Variants in TAF4B observed in about 807,000 individuals in gnomAD.
The protein encoded by TAF4B is TATA-box binding protein associated factor 4b, also known as transcription initiation factor TFIID subunit 4B.
In TAF4B, 38 loss-of-function variants were observed where a neutral mutation model predicts 86.4. That is an observed-to-expected ratio of 0.44 (90% CI 0.34 to 0.58). The LOEUF (loss-of-function observed/expected upper bound fraction) is 0.58. Ranked by LOEUF, TAF4B falls within the 20% of genes least tolerant of loss-of-function variation. The pLI is 0.02. For missense variants in TAF4B, 988 were observed against 1,027.6 expected (o/e 0.96, Z 0.53); for synonymous variants, 388 against 391.2 (o/e 0.99, Z 0.10).
chr18:26,323,416 A>G (rs994267547), intron 11 of TAF4B, among the ~76,000 whole-genome samples: 2 of 151,954 alleles, frequency 1.3e-5, no homozygotes, highest in Non-Finnish European at 2.9e-5. Flanking sequence ...ATCATAGCTC[A>G]TTGCAACCTT....
chr18:26,292,877 G>C (rs1460866193), intron 8 of TAF4B, among the ~76,000 whole-genome samples: 1 of 152,116 alleles, frequency 6.6e-6, no homozygotes. Flanking sequence ...GTTATATGTT[G>C]TTTTGGAATA....
At chr18:26,374,339 A>C (rs1252203748) in intron 14 of TAF4B, among the ~76,000 whole-genome samples, 1 of 151,996 alleles carries the variant, frequency 6.6e-6, no homozygotes, top group African/African-American at 2.4e-5. Flanking sequence ...TTTTTGAAAC[A>C]CTCCGTCTGC....
chr18:26,345,087 G>T (rs1205152658), intron 13 of TAF4B, among the ~76,000 whole-genome samples: 1 of 152,132 alleles, frequency 6.6e-6, no homozygotes, highest in Non-Finnish European at 1.5e-5. Context: ...CAGCTGCATT[G>T]CCCTGGATTA....
chr18:26,290,521 G>GC (rs1206436916), intron 7 of TAF4B, among the ~76,000 whole-genome samples: 1 of 152,178 alleles, frequency 6.6e-6, no homozygotes, highest in Non-Finnish European at 1.5e-5. Context: ...CAGTTGCTGA[G>GC]CAGATGATGT....
intron 9 of TAF4B, among the ~76,000 whole-genome samples, chr18:26,306,366 A>G (rs899646815): frequency 1.3e-5 from 2 of 152,172 alleles, no homozygotes; most frequent in Non-Finnish European, 2.9e-5. Flanking sequence ...GCCAACCAAC[A>G]TAAAGTAGCT....
intron 1 of TAF4B, among the ~76,000 whole-genome samples, chr18:26,264,880 G>C (rs2056216742): frequency 6.6e-6 from 1 of 152,134 alleles, no homozygotes; most frequent in East Asian, 1.9e-4. Flanking sequence ...GTCTTATGCT[G>C]TTAACTACAC....
At chr18:26,285,030 C>T (rs1430267130) in intron 6 of TAF4B, among the ~76,000 whole-genome samples, 1 of 148,598 alleles carries the variant, frequency 6.7e-6, no homozygotes, top group East Asian at 2.0e-4. Context: ...TGTAGTGGTG[C>T]GATCACAGCT....
Position 26,236,329 on chromosome 18 carries a change from T to C in TAF4B, c.343+9053T>C, listed in dbSNP as rs138390567. ...GATGGTAATGGACCTTGAGGACGGC[T>C]GTCTGGGGCAGGAGATTAACACTGA... On this transcript the variant is annotated intron_variant, in intron 1 of 14. Coordinates refer to ENST00000269142, the MANE Select transcript of TAF4B (RefSeq NM_005640.3). Among the ~76,000 whole-genome samples the C allele has an allele frequency of 4.9e-4, 75 of 152,292 alleles. 1 individual carries two copies. The East Asian group carries it at 0.013, about 27-fold the overall frequency.
intron 6 of TAF4B, among the ~76,000 whole-genome samples, chr18:26,282,552 A>G (rs1791769): frequency 0.94 from 143,133 of 152,282 alleles, 67,470 homozygotes; most frequent in East Asian, 0.99. Flanking sequence ...GCAAGTTATA[A>G]TATTTTTGAT....
In TAF4B at chr18:26,257,543, ATGT is replaced by A. The variant is rs545568671; in HGVS notation, c.344-7622_344-7620del. On this transcript the variant is annotated intron_variant, in intron 1 of 14. Transcript: ENST00000269142. ...TTTTGTACATTCACATTTGCATTTA[ATGT>A]TGTTATATATATATAGTTGGACTTA... Among the ~76,000 whole-genome samples the A allele has an allele frequency of 3.3e-5, 5 of 152,154 alleles. No homozygotes were observed. The South Asian group carries it at 1.0e-3, about 32-fold the overall frequency.
intron 3 of TAF4B, among the ~76,000 whole-genome samples, chr18:26,271,830 G>A (rs1257830849): frequency 6.6e-6 from 1 of 151,788 alleles, no homozygotes; most frequent in Non-Finnish European, 1.5e-5. Context: ...AGGAGGCTGA[G>A]GCAGGAGAAT....
chr18:26,244,617 G>A (rs1461672210), intron 1 of TAF4B, among the ~76,000 whole-genome samples: 2 of 152,228 alleles, frequency 1.3e-5, no homozygotes, highest in African/African-American at 4.8e-5. Context: ...CAGTACCTCA[G>A]TTGGGGATGC....
intron 14 of TAF4B, among the ~76,000 whole-genome samples, chr18:26,362,790 T>C (rs1050557016): frequency 6.6e-6 from 1 of 152,228 alleles, no homozygotes; most frequent in African/African-American, 2.4e-5. Flanking sequence ...ATAATAGTCA[T>C]ATAATCAGTC....
intron 1 of TAF4B, among the ~76,000 whole-genome samples, chr18:26,236,621 C>G (rs981302721): frequency 6.6e-6 from 1 of 152,130 alleles, no homozygotes; most frequent in African/African-American, 2.4e-5. Flanking sequence ...AGTGTCCTTG[C>G]AAACCACACT....
intron 14 of TAF4B, among the ~76,000 whole-genome samples, chr18:26,361,241 C>T (rs1276592451): frequency 6.6e-6 from 1 of 151,648 alleles, no homozygotes; most frequent in Non-Finnish European, 1.5e-5. Flanking sequence ...CATAATTCTA[C>T]TTTCTGTTTC....
At position 26,321,159 on chromosome 18, in the gene TAF4B, A is replaced by G. The variant is rs1311795622; in HGVS notation, c.2092A>G (p.Lys698Glu). ...TQERLRGLLE[K>E]LTAIAQHRMT... Reference sequence around the variant, plus strand: ...GGAACGACTACGAGGCCTTCTAGAAAAACTGACTGCAATTGCTCAGCATCG... The same window carrying G: ...GGAACGACTACGAGGCCTTCTAGAAGAACTGACTGCAATTGCTCAGCATCG... The change falls in exon 11 of 15, where the codon AAA (lysine) becomes GAA (glutamate). Residue 698 changes from lysine (K) to glutamate (E), a missense_variant. By Grantham distance (56) the Lys-to-Glu change is moderately conservative (BLOSUM62 1). Transcript: ENST00000269142. 1 of 1,613,924 alleles carries G rather than the reference A, an allele frequency of 6.2e-7. No individual in the cohort carries two copies. Among genetic ancestry groups the G allele is most frequent in the South Asian group, 1.1e-5 (1 of 91,078 alleles).
rs142399716 is a variant in TAF4B, at chr18:26,243,687, T to C, written c.343+16411T>C. Reference sequence around the variant, plus strand: ...CTCTGAATTTTAGAATTTTCAGCTTTTCTGCTCTGGTTTCTTTCCATCTTT... The same window carrying C: ...CTCTGAATTTTAGAATTTTCAGCTTCTCTGCTCTGGTTTCTTTCCATCTTT... On this transcript the variant is annotated intron_variant, in intron 1 of 14. Transcript: ENST00000269142. Among the ~76,000 whole-genome samples, 1,274 of 152,340 alleles carry C rather than the reference T, an allele frequency of 8.4e-3. 18 individuals are homozygous for C. Among genetic ancestry groups the C allele is most frequent in the African/African-American group, 0.029 (1,223 of 41,578 alleles).
At chr18:26,326,629 T>C (rs2057007088) in intron 11 of TAF4B, among the ~76,000 whole-genome samples, 1 of 152,220 alleles carries the variant, frequency 6.6e-6, no homozygotes, top group Admixed American at 6.5e-5. Context: ...TAATTACTTA[T>C]ATTAATGTCT....
chr18:26,282,875 G>A (rs1257495111), intron 6 of TAF4B, among the ~76,000 whole-genome samples: 1 of 152,142 alleles, frequency 6.6e-6, no homozygotes, highest in East Asian at 1.9e-4. Flanking sequence ...ATTTGACCAG[G>A]GGTAGACTCC....
Sources: allele counts gnomAD v4.1 joint callset (sites outside exome capture counted in the v4.1 genomes callset), GRCh38; gene constraint gnomAD v4.1.1; transcripts MANE v1.5; gene names NCBI Gene and HGNC (gene_info 2026-07-23, HGNC 2026-07-21).